CACNA2D3: variants seen among roughly 807,000 people sequenced by gnomAD.
CACNA2D3 encodes calcium voltage-gated channel auxiliary subunit alpha2delta 3, also known as voltage-dependent calcium channel subunit alpha-2/delta-3.
Under a neutral mutation model 160.6 loss-of-function variants are expected in CACNA2D3, and 60 were observed. The observed-to-expected ratio is 0.37, with a 90% CI of 0.30 to 0.46. The LOEUF (loss-of-function observed/expected upper bound fraction) is 0.46. Among genes scored for constraint, CACNA2D3 ranks in the 20% least tolerant of loss-of-function variants. The probability of loss-of-function intolerance (pLI) is 1.00; values close to 1 mark genes in which losing one functional copy is unlikely to be tolerated. For synonymous variants in CACNA2D3, 558 were observed against 492.9 expected, an observed-to-expected ratio of 1.13 and a Z score of -1.75; for missense variants, 1,205 against 1,365.0, an observed-to-expected ratio of 0.88 and a Z score of 1.85.
chr3:54,937,610 TTCCATA>T (rs1701363136), intron 27 of CACNA2D3, among the ~76,000 whole-genome samples: 1 of 152,108 alleles, frequency 6.6e-6, no homozygotes, highest in Non-Finnish European at 1.5e-5. Flanking sequence ...AGGTACATGG[TTCCATA>T]AGAGAATGCA....
chr3:54,349,506 C>T (rs373000565), intron 3 of CACNA2D3, among the ~76,000 whole-genome samples: 1 of 152,210 alleles, frequency 6.6e-6, no homozygotes, highest in Non-Finnish European at 1.5e-5. Flanking sequence ...CTGAGCCAAG[C>T]TGTTTGCTTC....
intron 2 of CACNA2D3, among the ~76,000 whole-genome samples, chr3:54,232,862 A>C (rs930270408): frequency 2.6e-5 from 4 of 152,172 alleles, no homozygotes; most frequent in Non-Finnish European, 4.4e-5. Context: ...ACGCCCATCA[A>C]TTGCCTTGGA....
At chr3:55,000,625 A>G (rs1381938760) in intron 31 of CACNA2D3, among the ~76,000 whole-genome samples, 1 of 152,242 alleles carries the variant, frequency 6.6e-6, no homozygotes, top group African/African-American at 2.4e-5. Flanking sequence ...CCCCAGAGCA[A>G]TTTAGTTTAG....
At chr3:54,920,989 T>C (rs1194491872) in intron 27 of CACNA2D3, among the ~76,000 whole-genome samples, 2 of 152,198 alleles carry the variant, frequency 1.3e-5, no homozygotes, top group Non-Finnish European at 2.9e-5. Flanking sequence ...TGCCAAATGC[T>C]CTGTGGTCTC....
In CACNA2D3 at chr3:55,074,077, C is replaced by CTAT. The variant is rs1553643938; in HGVS notation, c.3184-35_3184-33dup. ...GGGAAAGTTGAAGGTGTCCTGGAGT[C>CTAT]TATTTCCGTCTAACCAACCCCTGCC... On this transcript the variant is annotated intron_variant, in intron 37 of 37. Coordinates refer to ENST00000474759, the MANE Select transcript of CACNA2D3 (RefSeq NM_018398.3). The CTAT allele has an allele frequency of 2.0e-5, 31 of 1,543,996 alleles. No homozygotes were observed. The East Asian group carries it at 5.8e-4, about 29-fold the overall frequency.
chr3:54,485,477 A>C (rs909651084), intron 4 of CACNA2D3, among the ~76,000 whole-genome samples: 1 of 152,176 alleles, frequency 6.6e-6, no homozygotes, highest in African/African-American at 2.4e-5. Context: ...GCCGTCTAGC[A>C]ATCAGTGTCA....
chr3:54,203,351 A>T (rs1272135418), intron 2 of CACNA2D3, among the ~76,000 whole-genome samples: 1 of 151,738 alleles, frequency 6.6e-6, no homozygotes, highest in Non-Finnish European at 1.5e-5. Flanking sequence ...TGGGGCTCTG[A>T]CTCCATGGCG....
chr3:54,710,765 C>T (rs1700938483), intron 11 of CACNA2D3, among the ~76,000 whole-genome samples: 1 of 152,112 alleles, frequency 6.6e-6, no homozygotes, highest in South Asian at 2.1e-4. Context: ...AATTGTTAGC[C>T]ACATTGAGTG....
rs1265555353 is a variant in CACNA2D3, at chr3:54,399,744, G to C, written c.381+12970G>C. 1.7e-4 allele frequency among the ~76,000 whole-genome samples: 12 copies of C among 69,608 alleles called. 1 individual carries two copies. Among genetic ancestry groups the C allele is most frequent in the Non-Finnish European group, 2.8e-4 (10 of 36,218 alleles). 45.7% of individuals were successfully genotyped at this position (69,608 alleles called of 152,430 possible). The stretch of plus-strand genomic sequence containing the variant: ...AAAGCTGTCAGACAGGGACACTTAA[G>C]TCTGCAGAGGTTACTGCTGTCTTTT... On this transcript the variant is annotated intron_variant, in intron 4 of 37. Transcript: ENST00000474759.
chr3:54,244,642 T>C (rs1702037340), intron 2 of CACNA2D3, among the ~76,000 whole-genome samples: 1 of 152,194 alleles, frequency 6.6e-6, no homozygotes, highest in Non-Finnish European at 1.5e-5. Flanking sequence ...CCAGTAATTT[T>C]CAAAAGTAAG....
intron 11 of CACNA2D3, among the ~76,000 whole-genome samples, chr3:54,700,120 G>T (rs914265079): frequency 4.6e-5 from 7 of 152,190 alleles, no homozygotes; most frequent in African/African-American, 1.2e-4. Flanking sequence ...CTAACAGATT[G>T]ACCTAGCTAT....
chr3:54,660,350 C>T (rs1358945759), intron 11 of CACNA2D3, among the ~76,000 whole-genome samples: 2 of 151,882 alleles, frequency 1.3e-5, no homozygotes, highest in Non-Finnish European at 2.9e-5. Flanking sequence ...TTAGTAGAGA[C>T]GGGGTTTCAC....
At chr3:54,580,046 G>A (rs1182022888) in intron 8 of CACNA2D3, among the ~76,000 whole-genome samples, 2 of 152,094 alleles carry the variant, frequency 1.3e-5, no homozygotes, top group East Asian at 3.9e-4. Context: ...TGTTGTGAGT[G>A]GCAGTGAGGT....
At position 54,487,301 on chromosome 3, in the gene CACNA2D3, G is replaced by A. The variant is rs965490100; in HGVS notation, c.382-16191G>A. Among the ~76,000 whole-genome samples the A allele has an allele frequency of 4.8e-4, 73 of 152,194 alleles. 2 individuals carry two copies. Among genetic ancestry groups the A allele is most frequent in the Non-Finnish European group, 1.3e-4 (9 of 68,030 alleles). On this transcript the variant is annotated intron_variant, in intron 4 of 37. Transcript: ENST00000474759. ...GAGCATCGCTTGAGCCCAGGAGGTT[G>A]AGGCTGTGGTGGACTGAGATTGTGC...
intron 4 of CACNA2D3, among the ~76,000 whole-genome samples, chr3:54,429,473 G>T (rs1336849918): frequency 6.6e-6 from 1 of 152,130 alleles, no homozygotes; most frequent in African/African-American, 2.4e-5. Flanking sequence ...AGGTGAGTGT[G>T]TCTGTGATTG....
At chr3:54,650,051 C>A (rs970783412) in intron 11 of CACNA2D3, among the ~76,000 whole-genome samples, 6 of 152,186 alleles carry the variant, frequency 3.9e-5, no homozygotes, top group African/African-American at 1.4e-4. Context: ...CTGACCCTCA[C>A]CTGGTTGTGT....
intron 4 of CACNA2D3, among the ~76,000 whole-genome samples, chr3:54,415,094 A>G (rs959510177): frequency 6.6e-6 from 1 of 152,148 alleles, no homozygotes; most frequent in African/African-American, 2.4e-5. Context: ...CAAACCCTTC[A>G]TGGTTCTGTT....
chr3:54,874,252 TC>T (rs1477339083), intron 18 of CACNA2D3, among the ~76,000 whole-genome samples: 3 of 152,312 alleles, frequency 2.0e-5, no homozygotes, highest in African/African-American at 7.2e-5. Context: ...AGGACTTCTG[TC>T]CCACTCTGCA....
intron 2 of CACNA2D3, among the ~76,000 whole-genome samples, chr3:54,198,664 C>T (rs1318838073): frequency 1.3e-5 from 2 of 152,270 alleles, no homozygotes; most frequent in African/African-American, 2.4e-5. Flanking sequence ...CTTGGGAGCA[C>T]TGTGGGATTC....
Sources: gnomAD v4.1 joint callset for allele counts (sites outside exome capture counted in the v4.1 genomes callset) on GRCh38, gnomAD v4.1.1 for gene constraint, MANE v1.5 for transcripts, NCBI Gene and HGNC (gene_info 2026-07-23, HGNC 2026-07-21) for gene names.